The following COL4A1 variants were observed in gnomAD, a reference collection of about 807,000 sequenced individuals.
COL4A1 encodes the protein collagen type IV alpha 1 chain, also known as collagen alpha-1(IV) chain.
Under a neutral mutation model 216.6 loss-of-function variants are expected in COL4A1, and 40 were observed. That is an observed-to-expected ratio of 0.18 (90% CI 0.14 to 0.24). The LOEUF is 0.24. Among genes scored for constraint, COL4A1 ranks in the 10% least tolerant of loss-of-function variants. The probability of loss-of-function intolerance (pLI) is 1.00; values close to 1 mark genes in which losing one functional copy is unlikely to be tolerated. For missense variants in COL4A1, 1,628 were observed against 2,196.8 expected (o/e 0.74, Z 5.18); for synonymous variants, 839 against 810.7 (o/e 1.03, Z -0.59).
At chr13:110,222,601 G>C (rs1880545761) in intron 2 of COL4A1, among the ~76,000 whole-genome samples, 2 of 144,996 alleles carry the variant, frequency 1.4e-5, no homozygotes, top group Admixed American at 1.4e-4. Flanking sequence ...GTGAAACCCC[G>C]TCTCTACTAA....
intron 45 of COL4A1, 49 bp from the exon 46 acceptor site, chr13:110,165,039 G>A: frequency 6.3e-7 from 1 of 1,576,034 alleles, no homozygotes; most frequent in Middle Eastern, 1.7e-4. Flanking sequence ...CACATACTGG[G>A]GCGGAAACAA....
chr13:110,286,477 G>A (rs72655725), intron 1 of COL4A1, among the ~76,000 whole-genome samples: 24,353 of 152,216 alleles, frequency 0.16, 2,186 homozygotes, highest in South Asian at 0.2. Context: ...GTGGGGGAGA[G>A]AGGCAGAAGT....
intron 43 of COL4A1, 61 bp downstream of exon 43, chr13:110,169,568 T>A (rs1877510753): frequency 6.2e-7 from 1 of 1,607,482 alleles, no homozygotes; most frequent in South Asian, 1.1e-5. Flanking sequence ...TAGACACATA[T>A]GAATACTTCT....
intron 2 of COL4A1, 124 bp from the exon 3 acceptor site, chr13:110,214,139 G>A (rs1392982371): frequency 1.3e-6 from 1 of 795,366 alleles, no homozygotes; most frequent in African/African-American, 1.7e-5. Flanking sequence ...TGTTGCCCAG[G>A]CTGGAGTGCA....
Position 110,155,345 on chromosome 13 carries a change from T to C in COL4A1, c.4693A>G (p.Ile1565Val). 2 of 1,614,190 alleles carry C rather than the reference T, an allele frequency of 1.2e-6. No individual in the cohort carries two copies. The highest frequency in any genetic ancestry group is 1.7e-6 in the Non-Finnish European group (2 of 1,180,026). ...CCGCTGGGGCACGGTGGGATCTGAA[T>C]GGTCTGGCTGTGCACGGCCATCACC... ...AMVMAVHSQT[I>V]QIPPCPSGWS... is the part of the protein sequence containing the mutation. The change falls in exon 50 of 52, where the codon ATT becomes GTT. Residue 1565 changes from isoleucine to valine, a missense_variant. This residue lies in a region of COL4A1 where 254 missense variants were observed against 300.1 expected (regional missense o/e 0.85). Coordinates refer to ENST00000375820, the MANE Select transcript of COL4A1 (RefSeq NM_001845.6).
At chr13:110,150,854 T>C (rs1180516615) in intron 51 of COL4A1, among the ~76,000 whole-genome samples, 3 of 152,252 alleles carry the variant, frequency 2.0e-5, no homozygotes, top group African/African-American at 7.2e-5. Flanking sequence ...TATTCTTCTC[T>C]GCAACACTTT....
chr13:110,228,577 G>A (rs184762578), intron 2 of COL4A1, among the ~76,000 whole-genome samples: 95 of 152,270 alleles, frequency 6.2e-4, no homozygotes, highest in African/African-American at 2.2e-3. Flanking sequence ...CACACATTTA[G>A]GATTAACGAT....
At chr13:110,203,717 A>G in intron 17 of COL4A1, 110 bp from the exon 18 acceptor site, 1 of 1,167,862 alleles carries the variant, frequency 8.6e-7, no homozygotes, top group Non-Finnish European at 1.3e-6. Context: ...ACAGTAAATT[A>G]AAACTATTTT....
rs1882254317 is a variant in COL4A1 at position 110,253,138 on chromosome 13, A to ATAACTATATGTACGTATTATATATACATG, written c.85-10405_85-10404insCATGTATATATAATACGTACATATAGTTA. On this transcript the variant is annotated intron_variant, in intron 1 of 51. Transcript: ENST00000375820. Reference sequence around the variant, plus strand: ...ATGTACGTATGTATTATATATACATATAACTATATGTACGTATTATATATA... The same window carrying ATAACTATATGTACGTATTATATATACATG: ...ATGTACGTATGTATTATATATACATATAACTATATGTACGTATTATATATACATGTAACTATATGTACGTATTATATATA... Among the ~76,000 whole-genome samples, 7 of 67,404 alleles carry ATAACTATATGTACGTATTATATATACATG rather than the reference A, an allele frequency of 1.0e-4. 1 individual carries two copies. Among genetic ancestry groups the ATAACTATATGTACGTATTATATATACATG allele is most frequent in the Non-Finnish European group, 1.9e-4 (7 of 36,424 alleles). 44.2% of individuals were successfully genotyped at this position (67,404 alleles called of 152,430 possible).
Position 110,307,123 on chromosome 13 carries a change from A to G in COL4A1, c.-96T>C. The G allele has an allele frequency of 9.8e-7, 1 of 1,017,690 alleles. No individual in the cohort carries two copies. Among genetic ancestry groups the G allele is most frequent in the Non-Finnish European group, 1.3e-6 (1 of 753,972 alleles). 63.0% of individuals were successfully genotyped at this position (1,017,690 alleles called of 1,614,324 possible). A position where few individuals can be genotyped will look rare whatever the true frequency, so the allele number is the denominator to read the frequency against. On this transcript the variant is annotated 5_prime_UTR_variant, in exon 1 of 52. Transcript: ENST00000375820. The surrounding 1 kb of genome is among the most constrained non-coding windows in gnomAD (Gnocchi z 5.0). Reference sequence around the variant, plus strand: ...GAAGGCCGGACTTCCAGCGCTACGCACCGTCCCGGGTGCGGCGGCTCCAAG... The same window carrying G: ...GAAGGCCGGACTTCCAGCGCTACGCGCCGTCCCGGGTGCGGCGGCTCCAAG...
At chr13:110,206,433 C>A (rs989607581) in intron 15 of COL4A1, among the ~76,000 whole-genome samples, 2 of 152,222 alleles carry the variant, frequency 1.3e-5, no homozygotes, top group Non-Finnish European at 2.9e-5. Context: ...CTCTGAACAG[C>A]CGGCGGTGGC....
intron 51 of COL4A1, 87 bp from the exon 52 acceptor site, chr13:110,150,531 A>C: frequency 3.7e-6 from 5 of 1,348,006 alleles, no homozygotes; most frequent in Non-Finnish European, 5.2e-6. Context: ...GGAAATCTCT[A>C]AGGGATCAGC....
At chr13:110,157,619 G>T (rs1042382557) in intron 49 of COL4A1, among the ~76,000 whole-genome samples, 6 of 152,194 alleles carry the variant, frequency 3.9e-5, no homozygotes, top group African/African-American at 1.4e-4. Flanking sequence ...GCTGAGCTTC[G>T]ATGTGTCAAC....
intron 31 of COL4A1, 146 bp downstream of exon 31, chr13:110,178,777 A>G: frequency 1.5e-6 from 1 of 672,764 alleles, no homozygotes. Context: ...AATCAAACCT[A>G]TTTTCACAAA....
rs1380294255 is a variant in COL4A1, at chr13:110,149,466, A to G, written c.*897T>C. The G allele has an allele frequency of 6.5e-6, 1 of 153,070 alleles. No individual in the cohort carries two copies. Among genetic ancestry groups the G allele is most frequent in the East Asian group, 1.9e-4 (1 of 5,204 alleles). 9.5% of individuals were successfully genotyped at this position (153,070 alleles called of 1,614,324 possible). A position where few individuals can be genotyped will look rare whatever the true frequency, so the allele number is the denominator to read the frequency against. ...AATACAGAATAAAAACAATAAGCTC[A>G]AAGTACATGTTTCACTATAATAGAC... On this transcript the variant is annotated 3_prime_UTR_variant, in exon 52 of 52. Coordinates refer to ENST00000375820, the MANE Select transcript of COL4A1 (RefSeq NM_001845.6).
intron 1 of COL4A1, among the ~76,000 whole-genome samples, chr13:110,289,199 AT>A (rs1471900192): frequency 6.6e-6 from 1 of 152,064 alleles, no homozygotes; most frequent in African/African-American, 2.4e-5. Context: ...GGAAGAGGGG[AT>A]TTTGATCTCA....
intron 17 of COL4A1, 61 bp from the exon 18 acceptor site, chr13:110,203,668 G>T: frequency 6.3e-7 from 1 of 1,574,978 alleles, no homozygotes; most frequent in Non-Finnish European, 8.7e-7. Flanking sequence ...CTTGCAGAAA[G>T]CAGATTAAAC....
chr13:110,198,382 G>T, intron 21 of COL4A1, 85 bp downstream of exon 21: 1 of 1,463,212 alleles, frequency 6.8e-7, no homozygotes, highest in South Asian at 1.1e-5. Flanking sequence ...GGCTGTGGGG[G>T]ACTATCACAG....
intron 2 of COL4A1, among the ~76,000 whole-genome samples, chr13:110,237,829 G>C (rs1222927927): frequency 6.6e-6 from 1 of 152,162 alleles, no homozygotes; most frequent in Non-Finnish European, 1.5e-5. Context: ...ATATCTAGGC[G>C]CTAAATGGCT....
Sources: allele counts gnomAD v4.1 joint callset (sites outside exome capture counted in the v4.1 genomes callset), GRCh38; gene constraint gnomAD v4.1.1; regional missense constraint gnomAD v4.1.1; non-coding constraint Gnocchi (gnomAD v3.1); transcripts MANE v1.5; gene names NCBI Gene and HGNC (gene_info 2026-07-23, HGNC 2026-07-21).